POLN: variants seen among roughly 807,000 people sequenced by gnomAD.
The protein encoded by POLN is DNA polymerase nu, also known as DNA polymerase N.
In POLN, 108 loss-of-function variants were observed where a neutral mutation model predicts 113.5. The observed-to-expected ratio is 0.95, with a 90% CI of 0.81 to 1.12. The LOEUF (loss-of-function observed/expected upper bound fraction) is 1.12. Among genes scored for constraint, POLN ranks in the 50% most tolerant of loss-of-function variants. The probability of loss-of-function intolerance (pLI) is 0.00; values close to 1 mark genes in which losing one functional copy is unlikely to be tolerated. For synonymous variants in POLN, 386 were observed against 391.5 expected, an observed-to-expected ratio of 0.99 and a Z score of 0.17; for missense variants, 1,097 against 1,077.1, an observed-to-expected ratio of 1.02 and a Z score of -0.26.
intron 24 of POLN, among the ~76,000 whole-genome samples, chr4:2,073,241 C>T (rs1201253687): frequency 3.9e-5 from 6 of 152,346 alleles, no homozygotes; most frequent in South Asian, 2.1e-4. Context: ...CCAGCTCCCC[C>T]GGCCCCATCC....
chr4:2,200,636 T>C (rs1457316343), intron 5 of POLN, among the ~76,000 whole-genome samples: 2 of 152,082 alleles, frequency 1.3e-5, no homozygotes, highest in Non-Finnish European at 2.9e-5. Context: ...AGCTCAGCTC[T>C]CAGGAAGCCA....
At chr4:2,208,666 A>G (rs1283849712) in intron 4 of POLN, among the ~76,000 whole-genome samples, 179 bp from the exon 5 acceptor site, 4 of 152,140 alleles carry the variant, frequency 2.6e-5, no homozygotes, top group Admixed American at 2.0e-4. Flanking sequence ...ATTTTTCTCA[A>G]CCAAGGTAGG....
chr4:2,204,615 A>G (rs1733800710), intron 5 of POLN, among the ~76,000 whole-genome samples: 1 of 152,204 alleles, frequency 6.6e-6, no homozygotes, highest in African/African-American at 2.4e-5. Flanking sequence ...CCTAATACCA[A>G]TACCAGGAAA....
intron 2 of POLN, chr4:2,241,022 A>C (rs1191695426): frequency 9.1e-7 from 1 of 1,096,382 alleles, no homozygotes; most frequent in Non-Finnish European, 1.3e-6. Context: ...ATCCAAGCAG[A>C]AAAAAAGCTA....
At chr4:2,207,579 A>C (rs1560093823) in intron 5 of POLN, among the ~76,000 whole-genome samples, 1 of 152,194 alleles carries the variant, frequency 6.6e-6, no homozygotes, top group African/African-American at 2.4e-5. Flanking sequence ...AAAAAATTTG[A>C]ACAGACATTT....
intron 3 of POLN, among the ~76,000 whole-genome samples, chr4:2,221,553 G>T (rs969042231): frequency 6.6e-6 from 1 of 152,038 alleles, no homozygotes; most frequent in Non-Finnish European, 1.5e-5. Context: ...GGACTCAAAA[G>T]AATGCAACCT....
chr4:2,236,504 T>C, intron 2 of POLN: 2 of 1,343,908 alleles, frequency 1.5e-6, no homozygotes, highest in Non-Finnish European at 2.1e-6. Context: ...CAAGTCAGTA[T>C]CATTTTCAAA....
intron 19 of POLN, among the ~76,000 whole-genome samples, chr4:2,104,579 CT>C (rs762175409): frequency 3.3e-5 from 5 of 152,296 alleles, no homozygotes; most frequent in Non-Finnish European, 5.9e-5. Context: ...TTACCCAAAC[CT>C]CCCCCAGTAA....
chr4:2,112,863 T>C (rs2108712794), intron 19 of POLN, among the ~76,000 whole-genome samples: 1 of 152,272 alleles, frequency 6.6e-6, no homozygotes, highest in South Asian at 2.1e-4. Context: ...AAATACCATT[T>C]GACCCAGCCA....
At chr4:2,111,513 C>T (rs1731193264) in intron 19 of POLN, among the ~76,000 whole-genome samples, 1 of 152,184 alleles carries the variant, frequency 6.6e-6, no homozygotes, top group Non-Finnish European at 1.5e-5. Context: ...CCCAAAATCT[C>T]CTTCAGCTGA....
Position 2,130,942 on chromosome 4 carries a change from C to T in POLN, c.1789+291G>A, listed in dbSNP as rs984830053. Among the ~76,000 whole-genome samples, 8 of 152,202 alleles carry T rather than the reference C, an allele frequency of 5.3e-5. No individual in the cohort carries two copies. The East Asian group carries it at 9.6e-4, about 18-fold the overall frequency. The stretch of plus-strand genomic sequence containing the variant: ...CTGTAATCCCAGCACTTTGGGAGGC[C>T]AAGGTGGGAGGATCACTTGCGCCCA... On this transcript the variant is annotated intron_variant, in intron 17 of 25. Transcript: ENST00000511885.
In POLN at chr4:2,126,410, CATTT is replaced by C. The variant is rs1179468275; in HGVS notation, c.1982+1699_1982+1702del. 6.6e-6 allele frequency among the ~76,000 whole-genome samples: 1 copy of C among 152,178 alleles called. No homozygotes were observed. The highest frequency in any genetic ancestry group is 1.5e-5 in the Non-Finnish European group (1 of 68,020). On this transcript the variant is annotated intron_variant, in intron 19 of 25. Coordinates refer to ENST00000511885, the MANE Select transcript of POLN (RefSeq NM_181808.4). This position sits in a 1 kb window ranked among gnomAD's most constrained non-coding sequence, Gnocchi z 4.6. Reference sequence around the variant, plus strand: ...AAGTTTGCGTTCTATACTATTCATTCATTTATTTGACAAATCCTTTGTGAGTCCC... The same window carrying C: ...AAGTTTGCGTTCTATACTATTCATTCATTTGACAAATCCTTTGTGAGTCCC...
At chr4:2,132,602 A>G (rs1731753276) in intron 16 of POLN, among the ~76,000 whole-genome samples, 1 of 152,236 alleles carries the variant, frequency 6.6e-6, no homozygotes, top group African/African-American at 2.4e-5. Flanking sequence ...TAGCCAGGGT[A>G]AAATGACACT....
chr4:2,185,717 G>C, intron 7 of POLN, among the ~76,000 whole-genome samples: 1 of 138,814 alleles, frequency 7.2e-6, no homozygotes, highest in East Asian at 2.2e-4. Flanking sequence ...TTGCACTCTA[G>C]CCTGAGTGAC....
intron 20 of POLN, among the ~76,000 whole-genome samples, chr4:2,091,925 C>T (rs1304963123): frequency 6.6e-6 from 1 of 152,222 alleles, no homozygotes; most frequent in East Asian, 1.9e-4. Context: ...GTCTCTAGGG[C>T]TGAGCAAGTG....
At chr4:2,197,445 G>A (rs879648158) in intron 6 of POLN, among the ~76,000 whole-genome samples, 11 of 152,188 alleles carry the variant, frequency 7.2e-5, no homozygotes, top group Non-Finnish European at 1.6e-4. Flanking sequence ...TTTTGCCTAA[G>A]CTCATGGAGG....
chr4:2,133,415 T>G (rs979276821), intron 16 of POLN, among the ~76,000 whole-genome samples: 2 of 152,306 alleles, frequency 1.3e-5, no homozygotes, highest in African/African-American at 4.8e-5. Flanking sequence ...GGAATCAGCC[T>G]AAGTGCCCAT....
intron 15 of POLN, among the ~76,000 whole-genome samples, chr4:2,157,493 G>A (rs1381065404): frequency 2.6e-5 from 4 of 152,020 alleles, no homozygotes; most frequent in East Asian, 1.9e-4. Context: ...TTGGGAGGCC[G>A]AGGCAGGCAG....
intron 23 of POLN, among the ~76,000 whole-genome samples, chr4:2,078,161 G>A (rs914321056): frequency 2.6e-5 from 4 of 152,320 alleles, no homozygotes; most frequent in South Asian, 2.1e-4. Flanking sequence ...ATGCAGACCC[G>A]CCTTGAGAAG....
Sources: allele counts gnomAD v4.1 joint callset (sites outside exome capture counted in the v4.1 genomes callset), GRCh38; gene constraint gnomAD v4.1.1; non-coding constraint Gnocchi (gnomAD v3.1); transcripts MANE v1.5; gene names NCBI Gene and HGNC (gene_info 2026-07-23, HGNC 2026-07-21).